The following PTPRG variants were observed in gnomAD, a reference collection of about 807,000 sequenced individuals.
PTPRG encodes the protein receptor-type tyrosine-protein phosphatase gamma.
Under a neutral mutation model 165.3 loss-of-function variants are expected in PTPRG, and 102 were observed. The observed-to-expected ratio is 0.62, with a 90% confidence interval of 0.53 to 0.73. The LOEUF (loss-of-function observed/expected upper bound fraction) is 0.73, where lower values mean the gene tolerates loss of function less well. Ranked by LOEUF, PTPRG falls within the 30% of genes least tolerant of loss-of-function variation. The pLI, the probability that PTPRG is intolerant of heterozygous loss-of-function variation, is 0.00. For synonymous variants in PTPRG, 675 were observed against 669.5 expected, an observed-to-expected ratio of 1.01 and a Z score of -0.13; for missense variants, 1,866 against 1,861.4, an observed-to-expected ratio of 1.00 and a Z score of -0.05.
rs138951238 is a variant in PTPRG, at chr3:61,627,123, G to A, written c.85+64751G>A. Among the ~76,000 whole-genome samples, 1,169 of 152,204 alleles carry A rather than the reference G, an allele frequency of 7.7e-3. 23 individuals are homozygous for A. The highest frequency in any genetic ancestry group is 0.027 in the African/African-American group (1,110 of 41,520). On this transcript the variant is annotated intron_variant, in intron 1 of 29. Coordinates refer to ENST00000474889, the MANE Select transcript of PTPRG (RefSeq NM_002841.4). The stretch of plus-strand genomic sequence containing the variant: ...AGCAAATTTTTTTTTTTGAAGTAGG[G>A]AAATTTGAGTACTGGATGTTACCTG...
intron 4 of PTPRG, among the ~76,000 whole-genome samples, chr3:62,077,865 G>A (rs1177233512): frequency 1.1e-4 from 16 of 152,128 alleles, no homozygotes; most frequent in Admixed American, 5.2e-4. Context: ...TAGCGGGCAT[G>A]ATGGCAGTTG....
intron 2 of PTPRG, among the ~76,000 whole-genome samples, chr3:61,758,282 C>G (rs568917962): frequency 6.6e-6 from 1 of 152,282 alleles, no homozygotes; most frequent in Admixed American, 6.5e-5. Flanking sequence ...TCAGGGTACC[C>G]ACCTAAAACC....
At chr3:61,677,016 G>A (rs566041092) in intron 1 of PTPRG, among the ~76,000 whole-genome samples, 59 of 152,066 alleles carry the variant, frequency 3.9e-4, no homozygotes, top group Non-Finnish European at 7.5e-4. Flanking sequence ...GGAGGCTGAG[G>A]CGGGTGGATC....
At chr3:62,201,082 A>G (rs1412856127) in intron 10 of PTPRG, among the ~76,000 whole-genome samples, 2 of 152,140 alleles carry the variant, frequency 1.3e-5, no homozygotes, top group Admixed American at 1.3e-4. Context: ...GCACAGGTAC[A>G]CCTTTTCTCT....
intron 1 of PTPRG, among the ~76,000 whole-genome samples, chr3:61,621,323 G>A (rs1407501442): frequency 6.6e-6 from 1 of 151,916 alleles, no homozygotes; most frequent in Non-Finnish European, 1.5e-5. Context: ...CATCCTGCAG[G>A]GATCTTGCTA....
At chr3:61,703,998 C>G (rs1032269263) in intron 1 of PTPRG, among the ~76,000 whole-genome samples, 21 of 152,158 alleles carry the variant, frequency 1.4e-4, no homozygotes, top group African/African-American at 5.1e-4. Context: ...CTCTGGGCAG[C>G]CTTGTGCTGT....
chr3:62,158,715 A>T (rs1704632103), intron 7 of PTPRG, among the ~76,000 whole-genome samples: 1 of 152,208 alleles, frequency 6.6e-6, no homozygotes, highest in Admixed American at 6.5e-5. Context: ...AAGTTAGGTC[A>T]TGTAAGGCCA....
intron 28 of PTPRG, among the ~76,000 whole-genome samples, chr3:62,284,484 G>T (rs926168473): frequency 5.3e-5 from 8 of 152,192 alleles, no homozygotes; most frequent in African/African-American, 1.9e-4. Flanking sequence ...CAGTAGAAAT[G>T]TATTAATTCA....
intron 5 of PTPRG, among the ~76,000 whole-genome samples, chr3:62,110,017 A>C (rs17632018): frequency 0.069 from 10,430 of 150,916 alleles, 502 homozygotes; most frequent in Non-Finnish European, 0.099. Flanking sequence ...CAGCCTTTGC[A>C]CAGAGGGCCC....
chr3:61,673,434 C>T (rs1039405809), intron 1 of PTPRG, among the ~76,000 whole-genome samples: 4 of 152,124 alleles, frequency 2.6e-5, no homozygotes, highest in Non-Finnish European at 5.9e-5. Context: ...AGGTAGTTCT[C>T]AGTCTGCAAA....
chr3:61,899,500 T>C (rs2038444735), intron 2 of PTPRG, among the ~76,000 whole-genome samples: 2 of 152,312 alleles, frequency 1.3e-5, no homozygotes, highest in Non-Finnish European at 2.9e-5. Flanking sequence ...AAAAGGCCCC[T>C]TCAGGAGAGA....
chr3:62,062,856 G>T (rs941064799), intron 4 of PTPRG, among the ~76,000 whole-genome samples: 2 of 152,138 alleles, frequency 1.3e-5, no homozygotes, highest in Non-Finnish European at 2.9e-5. Context: ...GTTTCACCAT[G>T]TTGCTTAGGC....
At chr3:62,045,213 A>C (rs1373384587) in intron 4 of PTPRG, among the ~76,000 whole-genome samples, 4 of 152,220 alleles carry the variant, frequency 2.6e-5, no homozygotes, top group Non-Finnish European at 5.9e-5. Flanking sequence ...TTCAGGAAGA[A>C]GTTTCCCCAG....
chr3:61,682,247 A>C (rs1001970661), intron 1 of PTPRG, among the ~76,000 whole-genome samples: 12 of 152,074 alleles, frequency 7.9e-5, no homozygotes, highest in Admixed American at 3.9e-4. Context: ...ATATTATATC[A>C]ATGTTAAATT....
At chr3:62,027,401 T>A (rs1226643828) in intron 4 of PTPRG, among the ~76,000 whole-genome samples, 3 of 152,094 alleles carry the variant, frequency 2.0e-5, no homozygotes, top group Non-Finnish European at 4.4e-5. Context: ...TCATTTCTAT[T>A]GCATTCCTCC....
chr3:62,034,027 A>G (rs1366179572), intron 4 of PTPRG, among the ~76,000 whole-genome samples: 1 of 152,126 alleles, frequency 6.6e-6, no homozygotes. Context: ...CGGCCTTCCA[A>G]ATTGCTGGGA....
At chr3:61,644,709 T>C (rs749453751) in intron 1 of PTPRG, among the ~76,000 whole-genome samples, 8 of 152,228 alleles carry the variant, frequency 5.3e-5, no homozygotes, top group Non-Finnish European at 1.2e-4. Flanking sequence ...ATGTGATCCA[T>C]GGTTTCTAAG....
At chr3:61,886,012 G>A (rs901766398) in intron 2 of PTPRG, among the ~76,000 whole-genome samples, 8 of 151,796 alleles carry the variant, frequency 5.3e-5, no homozygotes, top group Admixed American at 5.2e-4. Context: ...CACACAGGGA[G>A]AGAGGGAAAC....
rs1700679058 is a variant in PTPRG, at chr3:62,222,801, G to A, written c.2288+3818G>A. 6.6e-6 allele frequency among the ~76,000 whole-genome samples: 1 copy of A among 152,190 alleles called. No homozygotes were observed. The highest frequency in any genetic ancestry group is 2.4e-5 in the African/African-American group (1 of 41,446). ...TTTATGCAATGCTTACAGAGTTCCTGCCATGCATCCTGGTGGGCCTAGAGA... is the reference window on the plus strand; with the variant it reads ...TTTATGCAATGCTTACAGAGTTCCTACCATGCATCCTGGTGGGCCTAGAGA... On this transcript the variant is annotated intron_variant, in intron 13 of 29. Coordinates refer to ENST00000474889, the MANE Select transcript of PTPRG (RefSeq NM_002841.4). This position sits in a 1 kb window ranked among gnomAD's most constrained non-coding sequence, Gnocchi z 4.5.
Sources: allele counts gnomAD v4.1 joint callset (sites outside exome capture counted in the v4.1 genomes callset), GRCh38; gene constraint gnomAD v4.1.1; non-coding constraint Gnocchi (gnomAD v3.1); transcripts MANE v1.5; gene names NCBI Gene and HGNC (gene_info 2026-07-23, HGNC 2026-07-21).